The following RAB38 variants were observed in gnomAD, a reference collection of about 807,000 sequenced individuals.
The protein encoded by RAB38 is RAB38, member RAS oncogene family.
A neutral mutation model predicts 18.4 loss-of-function variants in RAB38; 15 were observed. The ratio of observed to expected loss-of-function variants is 0.82; its 90% CI spans 0.55 to 1.26. The LOEUF (loss-of-function observed/expected upper bound fraction) is 1.26, where lower values mean the gene tolerates loss of function less well. Among genes scored for constraint, RAB38 ranks in the 50% most tolerant of loss-of-function variants. The pLI, the probability that RAB38 is intolerant of heterozygous loss-of-function variation, is 0.00. For missense variants in RAB38, 294 were observed against 267.4 expected, an observed-to-expected ratio of 1.10 and a Z score of -0.69; for synonymous variants, 101 against 104.4, an observed-to-expected ratio of 0.97 and a Z score of 0.20.
chr11:88,095,438 C>A, the RAB38 span, among the ~76,000 whole-genome samples: 1 of 151,794 alleles, frequency 6.6e-6, no homozygotes. Flanking sequence ...TTGCTCCTGT[C>A]TTCTTGAAAC....
chr11:87,805,177 T>C, the RAB38 span, among the ~76,000 whole-genome samples: 1 of 152,332 alleles, frequency 6.6e-6, no homozygotes, highest in African/African-American at 2.4e-5. Flanking sequence ...ATCTGGAGTG[T>C]GAAAGAGCCT....
the RAB38 span, among the ~76,000 whole-genome samples, chr11:87,941,220 T>TATATATATATATATAAATATATG: frequency 9.2e-6 from 1 of 108,588 alleles, no homozygotes; most frequent in Non-Finnish European, 1.9e-5. Context: ...ATGAGATATA[T>TATATATATATATATAAATATATG]ATATATATAT....
chr11:88,069,954 CAATCAGTGCTCTGTAAA>C, the RAB38 span, among the ~76,000 whole-genome samples: 1 of 152,180 alleles, frequency 6.6e-6, no homozygotes, highest in Non-Finnish European at 1.5e-5. Context: ...CAAAACGGAC[CAATCAGTGCTCTGTAAA>C]ATGGGCCAAT....
the RAB38 span, among the ~76,000 whole-genome samples, chr11:87,823,569 A>T: frequency 2.6e-5 from 4 of 152,220 alleles, no homozygotes; most frequent in Non-Finnish European, 5.9e-5. Context: ...GAATAGAAAT[A>T]TGGATCAATG....
intron 2 of RAB38, among the ~76,000 whole-genome samples, chr11:88,121,871 G>A (rs1942634843): frequency 6.6e-6 from 1 of 152,126 alleles, no homozygotes; most frequent in Non-Finnish European, 1.5e-5. Flanking sequence ...CAGAGCCCCT[G>A]CTCTTAACCC....
chr11:88,020,949 C>A, the RAB38 span, among the ~76,000 whole-genome samples: 1 of 151,710 alleles, frequency 6.6e-6, no homozygotes, highest in Non-Finnish European at 1.5e-5. Context: ...ACAACAAAAG[C>A]AGTATTAAGA....
the RAB38 span, among the ~76,000 whole-genome samples, chr11:87,874,092 G>A: frequency 6.0e-5 from 9 of 150,596 alleles, no homozygotes; most frequent in Non-Finnish European, 1.2e-4. Flanking sequence ...TTCTTTATGT[G>A]AATGCTTCTT....
the RAB38 span, chr11:87,917,824 T>C: frequency 6.6e-6 from 1 of 152,144 alleles, no homozygotes; most frequent in Admixed American, 6.6e-5. Flanking sequence ...ATCTGATGCA[T>C]TGATTGTTCC....
At chr11:87,820,984 G>C in the RAB38 span, among the ~76,000 whole-genome samples, 5 of 152,134 alleles carry the variant, frequency 3.3e-5, no homozygotes, top group African/African-American at 1.2e-4. Context: ...GGGAAGCAAG[G>C]ATACATGGAT....
the RAB38 span, among the ~76,000 whole-genome samples, chr11:88,060,955 A>G: frequency 6.6e-6 from 1 of 152,208 alleles, no homozygotes; most frequent in Non-Finnish European, 1.5e-5. Flanking sequence ...GAGTTTAATA[A>G]AAAGACTTTG....
At chr11:87,804,925 C>T in the RAB38 span, among the ~76,000 whole-genome samples, 4 of 152,222 alleles carry the variant, frequency 2.6e-5, no homozygotes, top group Admixed American at 6.5e-5. Flanking sequence ...TTAAACTTTC[C>T]GCCTTTGAAT....
intron 2 of RAB38, among the ~76,000 whole-genome samples, chr11:88,134,126 C>T (rs1163677275): frequency 6.6e-6 from 1 of 152,212 alleles, no homozygotes; most frequent in Non-Finnish European, 1.5e-5. Context: ...TACATCTGCT[C>T]TTAGATGTAT....
At chr11:88,074,799 C>G in the RAB38 span, among the ~76,000 whole-genome samples, 1 of 152,048 alleles carries the variant, frequency 6.6e-6, no homozygotes, top group African/African-American at 2.4e-5. Context: ...TTATAAGCTG[C>G]CTACAAGAAA....
chr11:87,922,483 T>TAAGACAGGGCAATGCTTAATTACCTGTC, the RAB38 span, among the ~76,000 whole-genome samples: 1 of 152,000 alleles, frequency 6.6e-6, no homozygotes, highest in Non-Finnish European at 1.5e-5. Context: ...TTCACCCTTT[T>TAAGACAGGGCAATGCTTAATTACCTGTC]AAGACAGGGC....
At chr11:87,868,608 A>AGAGAAG in the RAB38 span, among the ~76,000 whole-genome samples, 497 of 103,046 alleles carry the variant, frequency 4.8e-3, 27 homozygotes, top group South Asian at 0.027. Context: ...AGAGAGAGAG[A>AGAGAAG]GAGAGAGAGA....
intron 2 of RAB38, among the ~76,000 whole-genome samples, chr11:88,138,567 T>C (rs1366070161): frequency 6.6e-6 from 1 of 151,340 alleles, no homozygotes; most frequent in East Asian, 1.9e-4. Flanking sequence ...ATAGAGAGAG[T>C]TGGGTTCTAA....
the RAB38 span, among the ~76,000 whole-genome samples, chr11:87,919,044 G>C: frequency 6.6e-6 from 1 of 152,006 alleles, no homozygotes; most frequent in Non-Finnish European, 1.5e-5. Context: ...TAAGTGGTGA[G>C]GGATAAGGGT....
the RAB38 span, among the ~76,000 whole-genome samples, chr11:88,074,641 G>A: frequency 6.6e-6 from 1 of 152,118 alleles, no homozygotes; most frequent in African/African-American, 2.4e-5. Context: ...AAGGAAGGAA[G>A]GGAGAGAAGA....
At chr11:88,087,901 AG>A in the RAB38 span, among the ~76,000 whole-genome samples, 2 of 151,892 alleles carry the variant, frequency 1.3e-5, no homozygotes, top group African/African-American at 4.8e-5. Flanking sequence ...ACTAGAAAAA[AG>A]TCCTTATGGT....
Sources: gnomAD v4.1 joint callset for allele counts (sites outside exome capture counted in the v4.1 genomes callset) on GRCh38, gnomAD v4.1.1 for gene constraint, MANE v1.5 for transcripts, NCBI Gene and HGNC (gene_info 2026-07-23, HGNC 2026-07-21) for gene names.